Variants in WDR70 observed in about 807,000 individuals in gnomAD.
The protein encoded by WDR70 is WD repeat-containing protein 70.
A neutral mutation model predicts 88.6 loss-of-function variants in WDR70; 53 were observed. The observed-to-expected ratio is 0.60, with a 90% CI of 0.48 to 0.75. The LOEUF (loss-of-function observed/expected upper bound fraction) is 0.75. WDR70 is among the 30% of genes least tolerant of loss of function. WDR70 has a pLI of 0.00. For missense variants in WDR70, 610 were observed against 823.2 expected (o/e 0.74, Z 3.17); for synonymous variants, 280 against 270.0 (o/e 1.04, Z -0.36).
intron 10 of WDR70, among the ~76,000 whole-genome samples, chr5:37,647,921 G>A (rs868207684): frequency 2.0e-5 from 3 of 152,072 alleles, no homozygotes; most frequent in Non-Finnish European, 2.9e-5. Context: ...AAAAACTACC[G>A]TTTATAAAAC....
At chr5:37,676,280 G>A (rs1746203392) in intron 10 of WDR70, among the ~76,000 whole-genome samples, 1 of 151,320 alleles carries the variant, frequency 6.6e-6, no homozygotes, top group South Asian at 2.1e-4. Context: ...TGTTGAATAG[G>A]AGTGGTGAGA....
intron 9 of WDR70, among the ~76,000 whole-genome samples, chr5:37,536,366 C>A (rs536424196): frequency 6.6e-6 from 1 of 152,052 alleles, no homozygotes; most frequent in Non-Finnish European, 1.5e-5. Flanking sequence ...GGATTTGGCA[C>A]ATAACATTAT....
chr5:37,499,629 C>CTCTCTCTCTCTCTCT (rs1740344296), intron 8 of WDR70, among the ~76,000 whole-genome samples: 2 of 142,178 alleles, frequency 1.4e-5, no homozygotes, highest in African/African-American at 5.3e-5. Flanking sequence ...CTCTCTCTCT[C>CTCTCTCTCTCTCTCT]GTCTCGGTTC....
intron 13 of WDR70, among the ~76,000 whole-genome samples, chr5:37,703,560 A>G (rs1747230639): frequency 6.6e-6 from 1 of 152,024 alleles, no homozygotes; most frequent in African/African-American, 2.4e-5. Context: ...CTTAATTGCT[A>G]TTTAATTATT....
At chr5:37,494,070 T>C (rs1740145898) in intron 8 of WDR70, among the ~76,000 whole-genome samples, 1 of 152,058 alleles carries the variant, frequency 6.6e-6, no homozygotes, top group Non-Finnish European at 1.5e-5. Context: ...CCACCCACCT[T>C]GGCCTCCCAA....
intron 10 of WDR70, among the ~76,000 whole-genome samples, chr5:37,621,306 A>G (rs1420956575): frequency 6.6e-6 from 1 of 152,156 alleles, no homozygotes; most frequent in Non-Finnish European, 1.5e-5. Flanking sequence ...CCAAATAATT[A>G]AAAAATTTGA....
chr5:37,523,199 C>G (rs2112280119), intron 9 of WDR70, among the ~76,000 whole-genome samples: 1 of 152,340 alleles, frequency 6.6e-6, no homozygotes, highest in African/African-American at 2.4e-5. Flanking sequence ...GGTCCCTGAC[C>G]CCTGAGTAGC....
chr5:37,749,311 TGAAGCTG>T (rs1372416885), intron 17 of WDR70, among the ~76,000 whole-genome samples: 1 of 152,148 alleles, frequency 6.6e-6, no homozygotes, highest in Non-Finnish European at 1.5e-5. Context: ...GGGACATGGA[TGAAGCTG>T]GAAGCCATCA....
intron 17 of WDR70, among the ~76,000 whole-genome samples, chr5:37,737,581 G>T (rs1456507130): frequency 6.6e-6 from 1 of 152,134 alleles, no homozygotes; most frequent in African/African-American, 2.4e-5. Context: ...ATGAAGTTGG[G>T]CAGGGCTACA....
chr5:37,410,238 C>T (rs1391025213), intron 5 of WDR70, among the ~76,000 whole-genome samples: 2 of 148,534 alleles, frequency 1.3e-5, no homozygotes, highest in Admixed American at 6.7e-5. Flanking sequence ...AAGGTCTTCC[C>T]ATGTTGCCAA....
At chr5:37,503,961 G>A (rs1022296063) in intron 8 of WDR70, among the ~76,000 whole-genome samples, 3 of 152,066 alleles carry the variant, frequency 2.0e-5, no homozygotes, top group African/African-American at 7.2e-5. Context: ...GGTGTCAGTT[G>A]TAATGTCTTC....
At chr5:37,701,274 G>T in intron 12 of WDR70, 132 bp downstream of exon 12, 2 of 583,094 alleles carry the variant, frequency 3.4e-6, no homozygotes, top group Admixed American at 3.4e-5. Context: ...ATCAAAATCT[G>T]TTTTTTGAAA....
intron 17 of WDR70, among the ~76,000 whole-genome samples, chr5:37,749,085 G>A (rs1371304045): frequency 6.6e-6 from 1 of 152,134 alleles, no homozygotes; most frequent in East Asian, 1.9e-4. Flanking sequence ...AATACCATTT[G>A]ACCCAGCAAT....
chr5:37,721,180 G>A lies in WDR70; in HGVS notation c.1482G>A (p.Leu494=), dbSNP rs932633202. Residue 494 remains leucine (L), a synonymous_variant, in exon 14 of 18, where the codon TTG becomes TTA. Coordinates refer to ENST00000265107, the MANE Select transcript of WDR70 (RefSeq NM_018034.4). ...TCATGGTTGGAACTGGAAATGGATT[G>A]GCTAAAGTCTATTACGACCCCAACA... ...NQIMVGTGNG[L]AKVYYDPNKS... The A allele has an allele frequency of 1.9e-6, 3 of 1,613,604 alleles. No individual in the cohort carries two copies. The African/African-American group carries it at 4.0e-5, about 22-fold the overall frequency.
chr5:37,528,272 A>T (rs866332722), intron 9 of WDR70, among the ~76,000 whole-genome samples: 8 of 152,340 alleles, frequency 5.3e-5, no homozygotes, highest in Non-Finnish European at 8.8e-5. Context: ...AATGTGGCAC[A>T]TATACACCAT....
In WDR70 at chr5:37,559,500, T is replaced by C. The variant is rs372601726; in HGVS notation, c.917+42910T>C. 1.8e-4 allele frequency among the ~76,000 whole-genome samples: 28 copies of C among 152,244 alleles called. 1 individual carries two copies. In the South Asian group the frequency reaches 4.1e-3, roughly 23 times the overall value. On this transcript the variant is annotated intron_variant, in intron 9 of 17. Coordinates refer to ENST00000265107, the MANE Select transcript of WDR70 (RefSeq NM_018034.4). ...ATTCCTGTAAAGTTTTATAGAAATATTGATTTATTTGGGTGTTGATTGCCA... is the reference window on the plus strand; with the variant it reads ...ATTCCTGTAAAGTTTTATAGAAATACTGATTTATTTGGGTGTTGATTGCCA...
chr5:37,566,456 C>T (rs1280159924), intron 9 of WDR70, among the ~76,000 whole-genome samples: 1 of 151,918 alleles, frequency 6.6e-6, no homozygotes, highest in Non-Finnish European at 1.5e-5. Context: ...CAAATCAGGA[C>T]AAATACAATG....
At chr5:37,501,774 G>T (rs778677630) in intron 8 of WDR70, among the ~76,000 whole-genome samples, 21 of 152,040 alleles carry the variant, frequency 1.4e-4, no homozygotes, top group Admixed American at 4.6e-4. Context: ...TTATTCCTGG[G>T]TTCTCTATTC....
At position 37,494,109 on chromosome 5, in the gene WDR70, A is replaced by G. The variant is rs116348021; in HGVS notation, c.840+14122A>G. Among the ~76,000 whole-genome samples, 470 of 152,250 alleles carry G rather than the reference A, an allele frequency of 3.1e-3. 1 individual carries two copies. Among genetic ancestry groups the G allele is most frequent in the African/African-American group, 9.8e-3 (406 of 41,544 alleles). ...GCTGGGATTACAGGTGTGAGCCACC[A>G]CGTCTGGCTGGAGTACTTTTGCACT... On this transcript the variant is annotated intron_variant, in intron 8 of 17. Transcript: ENST00000265107.
Sources: gnomAD v4.1 joint callset for allele counts (sites outside exome capture counted in the v4.1 genomes callset) on GRCh38, gnomAD v4.1.1 for gene constraint, MANE v1.5 for transcripts, NCBI Gene and HGNC (gene_info 2026-07-23, HGNC 2026-07-21) for gene names.